The following FREM1 variants were observed in gnomAD, a reference collection of about 807,000 sequenced individuals.
FREM1 encodes FRAS1 related extracellular matrix 1.
A neutral mutation model predicts 210.1 loss-of-function variants in FREM1; 220 were observed. The observed-to-expected ratio is 1.05, with a 90% CI of 0.94 to 1.17. The LOEUF is 1.17. Ranked by LOEUF, FREM1 falls within the 50% of genes most tolerant of loss-of-function variation. The pLI, the probability that FREM1 is intolerant of heterozygous loss-of-function variation, is 0.00. For synonymous variants in FREM1, 1,189 were observed against 980.2 expected (o/e 1.21, Z -3.98); for missense variants, 3,454 against 2,675.5 (o/e 1.29, Z -6.42).
In FREM1 at chr9:14,805,109, A is replaced by G. The variant is rs1404852364; in HGVS notation, c.3318T>C (p.Tyr1106=). 2 of 1,600,990 alleles carry G rather than the reference A, an allele frequency of 1.2e-6. No individual in the cohort carries two copies. The highest frequency in any genetic ancestry group is 1.7e-6 in the Non-Finnish European group (2 of 1,171,886). ...WKDMNAFHIN[Y]VQSRHLRIEP... is the part of the protein sequence containing the mutation. Reference sequence around the variant, plus strand: ...CTATCCTCAGATGCCTGGACTGCACATAGTTAATGTGAAAAGCGTTCATGT... The same window carrying G: ...CTATCCTCAGATGCCTGGACTGCACGTAGTTAATGTGAAAAGCGTTCATGT... Residue 1106 remains tyrosine, a synonymous_variant, in exon 19 of 37, where the codon TAT becomes TAC. Transcript: ENST00000380880.
rs75411620 is a variant in FREM1, at chr9:14,796,617, T to C, written c.3839+881A>G. On this transcript the variant is annotated intron_variant, in intron 21 of 36. Transcript: ENST00000380880. ...TGTGGGAGGGACCAGGTAGAGATAATTGAATCGTGGGGCAGTTTCCCCCAT... is the reference window on the plus strand; with the variant it reads ...TGTGGGAGGGACCAGGTAGAGATAACTGAATCGTGGGGCAGTTTCCCCCAT... Among the ~76,000 whole-genome samples, 973 of 152,308 alleles carry C rather than the reference T, an allele frequency of 6.4e-3. 25 individuals carry two copies. In the East Asian group the frequency reaches 0.071, roughly 11 times the overall value.
chr9:14,889,203 T>A (rs1387384173), intron 1 of FREM1, among the ~76,000 whole-genome samples: 1 of 152,208 alleles, frequency 6.6e-6, no homozygotes, highest in Non-Finnish European at 1.5e-5. Flanking sequence ...TGTGGAATTG[T>A]AAAGCTGAAG....
chr9:14,888,795 C>T (rs1836263887), intron 1 of FREM1, among the ~76,000 whole-genome samples: 1 of 152,176 alleles, frequency 6.6e-6, no homozygotes, highest in Non-Finnish European at 1.5e-5. Flanking sequence ...CTTTAGAAAT[C>T]ATCGAGGCCA....
intron 24 of FREM1, among the ~76,000 whole-genome samples, chr9:14,778,650 AAGGGAGGGGAGGGAGGGGAGGGAGGGG>A (rs1350391595): frequency 1.6e-4 from 11 of 67,354 alleles, no homozygotes; most frequent in Non-Finnish European, 3.1e-4. Flanking sequence ...AAAGGGAGGG[AAGGGAGGGGAGGGAGGGGAGGGAGGGG>A]AGGGAGGGAA....
intron 1 of FREM1, among the ~76,000 whole-genome samples, chr9:14,879,626 G>A (rs537364453): frequency 5.1e-4 from 78 of 152,278 alleles, no homozygotes; most frequent in African/African-American, 1.5e-3. Context: ...CTTATACCAT[G>A]GAATGGAATG....
At chr9:14,835,058 G>C (rs1459455212) in intron 10 of FREM1, among the ~76,000 whole-genome samples, 1 of 152,170 alleles carries the variant, frequency 6.6e-6, no homozygotes, top group Non-Finnish European at 1.5e-5. Context: ...CACTGAAATG[G>C]AGGGAGAATC....
chr9:14,819,131 T>A, intron 14 of FREM1, 103 bp downstream of exon 14: 2 of 720,834 alleles, frequency 2.8e-6, no homozygotes, highest in Non-Finnish European at 4.4e-6. Context: ...CATGTTGGTA[T>A]CCTTTAAGAA....
intron 7 of FREM1, 69 bp from the exon 8 acceptor site, chr9:14,846,160 C>T: frequency 8.0e-7 from 1 of 1,251,700 alleles, no homozygotes; most frequent in South Asian, 1.3e-5. Flanking sequence ...ACATATACAC[C>T]ATGGAATACT....
intron 1 of FREM1, among the ~76,000 whole-genome samples, chr9:14,886,506 C>A (rs1835846481): frequency 6.6e-6 from 1 of 151,596 alleles, no homozygotes; most frequent in Admixed American, 6.6e-5. Context: ...TTTTTGAAAT[C>A]CTCAACAAGA....
chr9:14,756,235 T>C (rs1844330357), intron 29 of FREM1, 139 bp downstream of exon 29: 1 of 626,542 alleles, frequency 1.6e-6, no homozygotes, highest in Non-Finnish European at 2.8e-6. Context: ...TCTTTTAGAG[T>C]GAGGTGGTAT....
intron 29 of FREM1, among the ~76,000 whole-genome samples, chr9:14,755,074 G>A (rs1844068180): frequency 6.6e-6 from 1 of 152,226 alleles, no homozygotes; most frequent in African/African-American, 2.4e-5. Context: ...CGGAAGCATG[G>A]AAGAGAGGCA....
intron 8 of FREM1, among the ~76,000 whole-genome samples, chr9:14,844,436 G>T (rs1158417304): frequency 6.6e-6 from 1 of 152,072 alleles, no homozygotes; most frequent in Non-Finnish European, 1.5e-5. Context: ...TGTCGGCCAG[G>T]CTGGTCTTGA....
At chr9:14,815,567 A>C (rs1820141137) in intron 15 of FREM1, among the ~76,000 whole-genome samples, 1 of 152,158 alleles carries the variant, frequency 6.6e-6, no homozygotes, top group African/African-American at 2.4e-5. Flanking sequence ...AATACCTGCA[A>C]ATCCTCTGAG....
At chr9:14,744,406 T>C (rs1485259773) in intron 35 of FREM1, among the ~76,000 whole-genome samples, 1 of 152,142 alleles carries the variant, frequency 6.6e-6, no homozygotes, top group Non-Finnish European at 1.5e-5. Flanking sequence ...TTTCTAGTCA[T>C]TCCACAATCT....
intron 1 of FREM1, among the ~76,000 whole-genome samples, chr9:14,898,180 G>A (rs531876815): frequency 6.6e-6 from 1 of 152,274 alleles, no homozygotes; most frequent in South Asian, 2.1e-4. Context: ...TTTGAGCAAG[G>A]TTCCTATTCT....
chr9:14,766,265 G>A (rs1419410134), intron 27 of FREM1, among the ~76,000 whole-genome samples: 3 of 152,108 alleles, frequency 2.0e-5, no homozygotes, highest in Admixed American at 6.6e-5. Context: ...AAATCTTTAC[G>A]CAAATTTCCA....
intron 7 of FREM1, among the ~76,000 whole-genome samples, chr9:14,847,179 C>T (rs916639954): frequency 6.6e-6 from 1 of 152,096 alleles, no homozygotes; most frequent in Non-Finnish European, 1.5e-5. Flanking sequence ...CCAACTCTTA[C>T]CAGACACAGC....
intron 1 of FREM1, among the ~76,000 whole-genome samples, chr9:14,873,331 T>C (rs1025565024): frequency 6.6e-6 from 1 of 152,204 alleles, no homozygotes; most frequent in African/African-American, 2.4e-5. Flanking sequence ...CTATTGATTA[T>C]TGCCACAATT....
chr9:14,767,016 A>G (rs1308493120), intron 27 of FREM1, among the ~76,000 whole-genome samples: 1 of 152,206 alleles, frequency 6.6e-6, no homozygotes, highest in Admixed American at 6.5e-5. Flanking sequence ...GTTTAAATAC[A>G]CAAGATGCTT....
Sources: allele counts gnomAD v4.1 joint callset (sites outside exome capture counted in the v4.1 genomes callset), GRCh38; gene constraint gnomAD v4.1.1; transcripts MANE v1.5; gene names NCBI Gene and HGNC (gene_info 2026-07-23, HGNC 2026-07-21).